Variants in SUCLG2 observed in about 807,000 individuals in gnomAD.
SUCLG2 encodes the protein succinate-CoA ligase GDP-forming subunit beta.
Under a neutral mutation model 47.9 loss-of-function variants are expected in SUCLG2, and 42 were observed. That is an observed-to-expected ratio of 0.88 (90% CI 0.69 to 1.14). The LOEUF (loss-of-function observed/expected upper bound fraction) is 1.14, where lower values mean the gene tolerates loss of function less well. SUCLG2 is among the 50% of genes most tolerant of loss of function. The probability of loss-of-function intolerance (pLI) is 0.00; values close to 1 mark genes in which losing one functional copy is unlikely to be tolerated. For synonymous variants in SUCLG2, 195 were observed against 197.3 expected, an observed-to-expected ratio of 0.99 and a Z score of 0.10; for missense variants, 571 against 525.9, an observed-to-expected ratio of 1.09 and a Z score of -0.84.
intron 1 of SUCLG2, among the ~76,000 whole-genome samples, chr3:67,648,978 G>C (rs554573296): frequency 6.6e-6 from 1 of 152,234 alleles, no homozygotes; most frequent in Non-Finnish European, 1.5e-5. Flanking sequence ...CGGGGAAGAC[G>C]GCCAATGAAC....
intron 10 of SUCLG2, 131 bp from the exon 11 acceptor site, chr3:67,375,990 C>T (rs1304721579): frequency 7.1e-7 from 1 of 1,399,624 alleles, no homozygotes; most frequent in African/African-American, 1.5e-5. Context: ...AGGTTCTCAT[C>T]AAGGTCACTG....
rs554867511 is a variant in SUCLG2, at chr3:67,380,285, G to A, written c.1184-4426C>T. ...TCACTGCCCTGAGTGAGGACTCCAA[G>A]CTGTTACCACTTCTCCCAACCTGTA... On this transcript the variant is annotated intron_variant, in intron 10 of 10. Transcript: ENST00000307227. Among the ~76,000 whole-genome samples the A allele has an allele frequency of 5.3e-5, 8 of 151,934 alleles. No homozygotes were observed. In the South Asian group the frequency reaches 1.7e-3, roughly 32 times the overall value.
At chr3:67,640,072 A>ATAAAGTCCTAAGC (rs1266718886) in intron 1 of SUCLG2, among the ~76,000 whole-genome samples, 3 of 152,246 alleles carry the variant, frequency 2.0e-5, no homozygotes, top group African/African-American at 7.2e-5. Context: ...TATTTGAGGT[A>ATAAAGTCCTAAGC]TGAAGTCCTA....
rs1246117842 is a variant in SUCLG2, at chr3:67,634,221, G to C, written c.84+20282C>G. Among the ~76,000 whole-genome samples the C allele has an allele frequency of 3.3e-5, 5 of 152,220 alleles. No individual in the cohort carries two copies. In the East Asian group the frequency reaches 9.7e-4, roughly 29 times the overall value. ...GCTCTTTGGTGCCACAACAGGCAGG[G>C]AATTCTCTTTCCTTTGCTAACTCTT... On this transcript the variant is annotated intron_variant, in intron 1 of 10. Coordinates refer to ENST00000307227, the MANE Select transcript of SUCLG2 (RefSeq NM_003848.4).
At chr3:67,571,505 G>C (rs186727615) in intron 2 of SUCLG2, among the ~76,000 whole-genome samples, 33 of 152,128 alleles carry the variant, frequency 2.2e-4, no homozygotes, top group Non-Finnish European at 4.4e-4. Context: ...AAACACTTCT[G>C]TTTAATGTCA....
intron 1 of SUCLG2, among the ~76,000 whole-genome samples, chr3:67,636,273 A>C (rs1701007875): frequency 1.3e-5 from 2 of 152,246 alleles, no homozygotes; most frequent in African/African-American, 4.8e-5. Context: ...AACACACACA[A>C]AGTATGGTAA....
chr3:67,403,577 C>T (rs910721491), intron 9 of SUCLG2, among the ~76,000 whole-genome samples: 1 of 152,098 alleles, frequency 6.6e-6, no homozygotes, highest in Non-Finnish European at 1.5e-5. Flanking sequence ...AATAAACTGA[C>T]AATTACAAAT....
At chr3:67,371,223 C>T (rs191775290), downstream of SUCLG2, among the ~76,000 whole-genome samples, 3 of 152,228 alleles carry the variant, frequency 2.0e-5, no homozygotes, top group Admixed American at 2.0e-4. Flanking sequence ...AGAACAACAA[C>T]AACAAAAACC....
At chr3:67,644,621 T>C (rs1328825337) in intron 1 of SUCLG2, among the ~76,000 whole-genome samples, 1 of 151,898 alleles carries the variant, frequency 6.6e-6, no homozygotes, top group Admixed American at 6.6e-5. Context: ...AATGGCAAAA[T>C]GATAAAAATG....
chr3:67,473,426 A>ATTT (rs56301831), intron 9 of SUCLG2, among the ~76,000 whole-genome samples: 1 of 150,736 alleles, frequency 6.6e-6, no homozygotes. Context: ...GAAATTTGTG[A>ATTT]TTTTTTTTTT....
At chr3:67,627,669 C>G (rs1296021328) in intron 1 of SUCLG2, among the ~76,000 whole-genome samples, 3 of 152,200 alleles carry the variant, frequency 2.0e-5, no homozygotes, top group East Asian at 1.9e-4. Flanking sequence ...AAAGGGCTGG[C>G]AGATAGAGAT....
At chr3:67,373,283 A>G (rs1701977184), downstream of SUCLG2, among the ~76,000 whole-genome samples, 1 of 151,742 alleles carries the variant, frequency 6.6e-6, no homozygotes, top group African/African-American at 2.4e-5. Flanking sequence ...TTCCTCAGAG[A>G]GAAAACTGAG....
At chr3:67,536,084 T>A (rs1706534061) in intron 2 of SUCLG2, among the ~76,000 whole-genome samples, 2 of 152,124 alleles carry the variant, frequency 1.3e-5, no homozygotes, top group Non-Finnish European at 2.9e-5. Context: ...TTAAGGGGAT[T>A]CTCTCGTCGA....
chr3:67,375,207 T>A lies in SUCLG2; in HGVS notation c.*537A>T. 10 of 985,868 alleles carry A rather than the reference T, an allele frequency of 1.0e-5. No homozygotes were observed. Among genetic ancestry groups the A allele is most frequent in the Non-Finnish European group, 1.2e-5 (10 of 829,918 alleles). 61.1% of individuals were successfully genotyped at this position (985,868 alleles called of 1,614,324 possible). ...CGGATTTTTCAAACATATGTTAGAA[T>A]TAGAAACCTGTAAAATCTGCAGTAG... On this transcript the variant is annotated 3_prime_UTR_variant, in exon 11 of 11. Coordinates refer to ENST00000307227, the MANE Select transcript of SUCLG2 (RefSeq NM_003848.4).
chr3:67,473,694 C>T (rs552352023), intron 9 of SUCLG2, among the ~76,000 whole-genome samples: 3 of 152,282 alleles, frequency 2.0e-5, no homozygotes, highest in Admixed American at 6.5e-5. Context: ...AGACTTAAGG[C>T]TGTTTTCTAC....
intron 2 of SUCLG2, among the ~76,000 whole-genome samples, chr3:67,594,814 T>A (rs1309866376): frequency 2.6e-5 from 4 of 152,204 alleles, no homozygotes; most frequent in Non-Finnish European, 5.9e-5. Context: ...ATAGATGACT[T>A]TTAGCAATCA....
chr3:67,604,894 G>GTA (rs1379674547), intron 2 of SUCLG2, among the ~76,000 whole-genome samples: 1 of 152,170 alleles, frequency 6.6e-6, no homozygotes, highest in East Asian at 1.9e-4. Flanking sequence ...TATGAATAAA[G>GTA]TAGGAAGGTA....
At chr3:67,541,079 TA>T (rs1706692565) in intron 2 of SUCLG2, among the ~76,000 whole-genome samples, 1 of 152,098 alleles carries the variant, frequency 6.6e-6, no homozygotes, top group Admixed American at 6.5e-5. Context: ...CAAAGTTAGA[TA>T]AATCCACGAA....
chr3:67,654,557 C>G lies in SUCLG2; in HGVS notation c.30G>C (p.Gly10=), dbSNP rs1701352740. The G allele has an allele frequency of 2.0e-5, 25 of 1,272,464 alleles. No individual in the cohort carries two copies. Among genetic ancestry groups the G allele is most frequent in the Non-Finnish European group, 2.5e-5 (25 of 1,006,624 alleles). 78.8% of individuals were successfully genotyped at this position (1,272,464 alleles called of 1,614,324 possible). A position where few individuals can be genotyped will look rare whatever the true frequency, so the allele number is the denominator to read the frequency against. The change falls in exon 1 of 11, where the codon GGG becomes GGC. Residue 10 remains glycine, a synonymous_variant. Transcript: ENST00000307227. MASPVAAQA[G]KLLRALALRP... is the part of the protein sequence containing the mutation. The stretch of plus-strand genomic sequence containing the variant: ...GCAGCGCTAGGGCTCGCAGAAGCTT[C>G]CCGGCCTGCGCTGCTACGGGGGACG...
Sources: gnomAD v4.1 joint callset for allele counts (sites outside exome capture counted in the v4.1 genomes callset) on GRCh38, gnomAD v4.1.1 for gene constraint, MANE v1.5 for transcripts, NCBI Gene and HGNC (gene_info 2026-07-23, HGNC 2026-07-21) for gene names.